Variants in NEMP2 observed in about 807,000 individuals in gnomAD.
NEMP2 encodes the protein nuclear envelope integral membrane protein 2.
A neutral mutation model predicts 54.2 loss-of-function variants in NEMP2; 53 were observed. That is an observed-to-expected ratio of 0.98 (90% CI 0.78 to 1.23). The LOEUF (loss-of-function observed/expected upper bound fraction) is 1.23. Among genes scored for constraint, NEMP2 ranks in the 50% most tolerant of loss-of-function variants. The pLI is 0.00. For missense variants in NEMP2, 455 were observed against 511.3 expected, an observed-to-expected ratio of 0.89 and a Z score of 1.06; for synonymous variants, 197 against 190.3, an observed-to-expected ratio of 1.04 and a Z score of -0.29.
At chr2:190,629,888 G>A in the NEMP2 span, 2 of 152,242 alleles carry the variant, frequency 1.3e-5, no homozygotes, top group Non-Finnish European at 2.9e-5. Context: ...CAATTTCAGA[G>A]CATTTCTTCA....
chr2:190,612,095 C>T, the NEMP2 span, among the ~76,000 whole-genome samples: 23 of 151,724 alleles, frequency 1.5e-4, no homozygotes, highest in Admixed American at 2.6e-4. Context: ...TTCATGACTA[C>T]ACAGACAAGC....
chr2:190,497,812 A>G, the NEMP2 span: 1 of 1,399,306 alleles, frequency 7.1e-7, no homozygotes. The surrounding 1 kb of genome is among the most constrained non-coding windows in gnomAD (Gnocchi z 5.2). Context: ...ATTCAACAAG[A>G]TTTATTGAAA....
At position 190,521,475 on chromosome 2, in the gene NEMP2, T is replaced by C. The variant is rs1690748467; in HGVS notation, c.214-2292A>G. 6.6e-6 allele frequency among the ~76,000 whole-genome samples: 1 copy of C among 152,218 alleles called. No individual in the cohort carries two copies. The highest frequency in any genetic ancestry group is 1.5e-5 in the Non-Finnish European group (1 of 68,042). ...ATCCCAGCAGCAGTTCTTCCCTCTC[T>C]ACGAGATTATTTCTCTCAGCATACA... On this transcript the variant is annotated intron_variant, in intron 2 of 8. Transcript: ENST00000409150. The surrounding 1 kb of genome is among the most constrained non-coding windows in gnomAD (Gnocchi z 6.2).
upstream of NEMP2, chr2:190,534,989 G>A (rs150351757): frequency 9.2e-3 from 2,016 of 218,102 alleles, 17 homozygotes; most frequent in Non-Finnish European, 0.014. Flanking sequence ...CCTGGGGACC[G>A]CCCGGCCGTG....
Position 190,525,386 on chromosome 2 carries a change from A to T in NEMP2, c.98-8T>A. ...AAGCTTTACACCTACGAACTGAGAG[A>T]TGGAAAAGGGAATGCATTTTCTAAC... is the stretch of plus-strand genomic sequence containing the variant. On this transcript the variant is annotated splice_region_variant and splice_polypyrimidine_tract_variant and intron_variant, in intron 1 of 8. Coordinates refer to ENST00000409150, the MANE Select transcript of NEMP2 (RefSeq NM_001142645.2). This position sits in a 1 kb window ranked among gnomAD's most constrained non-coding sequence, Gnocchi z 5.0. The T allele has an allele frequency of 6.8e-7, 1 of 1,468,634 alleles. No homozygotes were observed. Among genetic ancestry groups the T allele is most frequent in the Non-Finnish European group, 9.3e-7 (1 of 1,076,750 alleles). 91.0% of individuals were successfully genotyped at this position (1,468,634 alleles called of 1,614,324 possible). A position where few individuals can be genotyped will look rare whatever the true frequency, so the allele number is the denominator to read the frequency against.
the NEMP2 span, chr2:190,464,998 C>T: frequency 1.4e-6 from 1 of 704,214 alleles, no homozygotes; most frequent in Non-Finnish European, 1.7e-6. Flanking sequence ...TTAGGAATTA[C>T]AGAATGACTC....
chr2:190,610,003 T>G, the NEMP2 span: 1 of 152,118 alleles, frequency 6.6e-6, no homozygotes, highest in Non-Finnish European at 1.5e-5. The surrounding 1 kb of genome is among the most constrained non-coding windows in gnomAD (Gnocchi z 5.4). Context: ...TTCAGTGATT[T>G]CCAATTAGGA....
the NEMP2 span, among the ~76,000 whole-genome samples, chr2:190,439,019 C>T: frequency 6.6e-6 from 1 of 152,052 alleles, no homozygotes; most frequent in African/African-American, 2.4e-5. This position sits in a 1 kb window ranked among gnomAD's most constrained non-coding sequence, Gnocchi z 5.8. Flanking sequence ...ACCCACAGAA[C>T]CCCTGAGGCA....
At chr2:190,601,122 C>G in the NEMP2 span, among the ~76,000 whole-genome samples, 1 of 152,104 alleles carries the variant, frequency 6.6e-6, no homozygotes, top group Non-Finnish European at 1.5e-5. This position sits in a 1 kb window ranked among gnomAD's most constrained non-coding sequence, Gnocchi z 5.8. Flanking sequence ...TGAGGTAATA[C>G]TGGAGTCAGG....
chr2:190,648,766 G>C, the NEMP2 span: 7 of 150,918 alleles, frequency 4.6e-5, no homozygotes, highest in African/African-American at 1.7e-4. Context: ...CGCCCACTTG[G>C]TTCCTCCCAG....
At chr2:190,491,760 G>A in the NEMP2 span, among the ~76,000 whole-genome samples, 2 of 152,144 alleles carry the variant, frequency 1.3e-5, no homozygotes, top group Non-Finnish European at 2.9e-5. The surrounding 1 kb of genome is among the most constrained non-coding windows in gnomAD (Gnocchi z 4.2). Context: ...TCTTTAACCT[G>A]CCCCAACAAA....
the NEMP2 span, among the ~76,000 whole-genome samples, chr2:190,636,775 T>TCATTAG: frequency 3.9e-5 from 6 of 152,332 alleles, no homozygotes; most frequent in African/African-American, 1.4e-4. Flanking sequence ...TACTTATAAG[T>TCATTAG]CATTAGCACC....
intron 1 of NEMP2, chr2:190,534,174 A>C (rs1235259848): frequency 6.8e-6 from 7 of 1,024,526 alleles, no homozygotes; most frequent in Non-Finnish European, 8.2e-6. Flanking sequence ...ACACGCATTG[A>C]TGTACTGTAC....
chr2:190,426,386 T>A, the NEMP2 span, among the ~76,000 whole-genome samples: 3 of 152,360 alleles, frequency 2.0e-5, no homozygotes, highest in Non-Finnish European at 4.4e-5. The surrounding 1 kb of genome is among the most constrained non-coding windows in gnomAD (Gnocchi z 4.7). Flanking sequence ...AAGTTTTCCA[T>A]TTTTTCTTCC....
At chr2:190,445,967 A>G in the NEMP2 span, among the ~76,000 whole-genome samples, 1 of 152,172 alleles carries the variant, frequency 6.6e-6, no homozygotes, top group Non-Finnish European at 1.5e-5. Flanking sequence ...TATAGCCTGT[A>G]TTAAACTCTG....
At chr2:190,572,836 TATATATA>T in the NEMP2 span, among the ~76,000 whole-genome samples, 6,286 of 93,878 alleles carry the variant, frequency 0.067, 596 homozygotes, top group East Asian at 0.089. Context: ...TTCATGAGTA[TATATATA>T]TATATATATA....
chr2:190,544,839 G>A, the NEMP2 span, among the ~76,000 whole-genome samples: 3 of 149,406 alleles, frequency 2.0e-5, no homozygotes, highest in Non-Finnish European at 4.4e-5. Flanking sequence ...TGTAATACCA[G>A]CACTTTGGGA....
the NEMP2 span, among the ~76,000 whole-genome samples, chr2:190,629,391 AG>A: frequency 6.6e-6 from 1 of 152,240 alleles, no homozygotes; most frequent in African/African-American, 2.4e-5. Context: ...ATCTAGTTCG[AG>A]GCACTAAGAT....
the NEMP2 span, among the ~76,000 whole-genome samples, chr2:190,428,706 C>T: frequency 4.0e-5 from 6 of 151,888 alleles, no homozygotes; most frequent in Non-Finnish European, 5.9e-5. Flanking sequence ...CAGAGTTGCA[C>T]TCTTTCACCC....
Sources: gnomAD v4.1 joint callset for allele counts (sites outside exome capture counted in the v4.1 genomes callset) on GRCh38, gnomAD v4.1.1 for gene constraint, Gnocchi (gnomAD v3.1) non-coding constraint, MANE v1.5 for transcripts, NCBI Gene and HGNC (gene_info 2026-07-23, HGNC 2026-07-21) for gene names.